The following FREM2 variants were observed in gnomAD, a reference collection of about 807,000 sequenced individuals.
The protein encoded by FREM2 is FRAS1 related extracellular matrix 2, also known as FRAS1-related extracellular matrix protein 2.
FREM2 carries 119 observed loss-of-function variants against 219.9 expected under a neutral mutation model. The ratio of observed to expected loss-of-function variants is 0.54; its 90% CI spans 0.47 to 0.63. FREM2 has a LOEUF of 0.63. Among genes scored for constraint, FREM2 ranks in the 30% least tolerant of loss-of-function variants. The pLI, the probability that FREM2 is intolerant of heterozygous loss-of-function variation, is 0.00. For synonymous variants in FREM2, 1,562 were observed against 1,522.8 expected, an observed-to-expected ratio of 1.03 and a Z score of -0.60; for missense variants, 4,030 against 3,993.6, an observed-to-expected ratio of 1.01 and a Z score of -0.25.
chr13:38,800,791 A>T (rs992620077), intron 6 of FREM2, among the ~76,000 whole-genome samples: 5 of 152,100 alleles, frequency 3.3e-5, no homozygotes, highest in African/African-American at 4.8e-5. Context: ...CACCATGCCC[A>T]GCTAATTTTT....
chr13:38,869,143 G>A (rs528640561), intron 16 of FREM2, among the ~76,000 whole-genome samples: 1 of 152,344 alleles, frequency 6.6e-6, no homozygotes, highest in Admixed American at 6.5e-5. Flanking sequence ...CAACATGATA[G>A]AGAATTGATT....
Position 38,857,896 on chromosome 13 carries a change from A to G in FREM2, c.7078A>G (p.Ile2360Val). 6.2e-7 allele frequency: 1 copy of G among 1,613,884 alleles called. No individual in the cohort carries two copies. Among genetic ancestry groups the G allele is most frequent in the Non-Finnish European group, 8.5e-7 (1 of 1,179,746 alleles). ...CTAGTTGACGAAAGCCATTGTGTAC[A>G]TAGAAGAAATGAGCAGCATGGCAGA... ...EMQLTKAIVYIEEMSSMADVT... is the reference protein window; with the variant it reads ...EMQLTKAIVYVEEMSSMADVT... Residue 2360 changes from isoleucine (I) to valine (V), a missense_variant, in exon 13 of 24, where the codon ATA (isoleucine) becomes GTA (valine). Physicochemically the swap from Ile to Val is conservative, Grantham distance 29. Around this residue, in one of 2 missense-constraint regions of FREM2, gnomAD observed 928 missense variants for 1,042.9 expected, o/e 0.89. Coordinates refer to ENST00000280481, the MANE Select transcript of FREM2 (RefSeq NM_207361.6).
intron 2 of FREM2, among the ~76,000 whole-genome samples, chr13:38,728,532 A>G (rs897739468): frequency 1.3e-5 from 2 of 151,888 alleles, no homozygotes; most frequent in Admixed American, 1.3e-4. Flanking sequence ...CAGCCACCAG[A>G]GTAGCTGGGA....
intron 2 of FREM2, among the ~76,000 whole-genome samples, chr13:38,738,865 T>A (rs1338996417): frequency 1.3e-5 from 2 of 152,166 alleles, no homozygotes; most frequent in Non-Finnish European, 2.9e-5. Flanking sequence ...ACCAAAAGTG[T>A]AGTGTCACAC....
At chr13:38,777,126 C>A (rs1325373335) in intron 4 of FREM2, among the ~76,000 whole-genome samples, 1 of 151,676 alleles carries the variant, frequency 6.6e-6, no homozygotes. Context: ...GCATATTGTA[C>A]ATATATTATA....
At position 38,803,560 on chromosome 13, in the gene FREM2, G is replaced by A. The variant is rs374253365; in HGVS notation, c.6019+18752G>A. Among the ~76,000 whole-genome samples the A allele has an allele frequency of 1.4e-3, 206 of 151,836 alleles. 1 individual carries two copies. In the South Asian group the frequency reaches 0.014, roughly 10 times the overall value. On this transcript the variant is annotated intron_variant, in intron 6 of 23. Transcript: ENST00000280481. ...CTTCAGTAATTTTACAATTTAATAC[G>A]CAGTATTGTTTCACTAGGGTCAGTA...
At chr13:38,873,048 A>C in intron 17 of FREM2, 114 bp downstream of exon 17, 4 of 815,212 alleles carry the variant, frequency 4.9e-6, no homozygotes, top group Non-Finnish European at 8.1e-6. Context: ...GTATATTTTC[A>C]TTTTCTATCT....
At chr13:38,800,632 G>C (rs1391954338) in intron 6 of FREM2, among the ~76,000 whole-genome samples, 3 of 152,040 alleles carry the variant, frequency 2.0e-5, no homozygotes, top group African/African-American at 4.8e-5. Flanking sequence ...CTGTTATTCT[G>C]TTAAGTAGGG....
chr13:38,754,885 TG>T (rs1872921327), intron 2 of FREM2, among the ~76,000 whole-genome samples: 3 of 100,438 alleles, frequency 3.0e-5, no homozygotes, highest in Admixed American at 1.2e-4. Flanking sequence ...ATGATGATGA[TG>T]ATGATGATGA....
chr13:38,885,940 G>T lies in FREM2; in HGVS notation c.*5153G>T, dbSNP rs1878709772. 1 of 152,154 alleles carries T rather than the reference G, an allele frequency of 6.6e-6. No individual in the cohort carries two copies. The highest frequency in any genetic ancestry group is 1.5e-5 in the Non-Finnish European group (1 of 68,028). The allele number at this position is 152,154 out of a possible 1,614,324, so 9.4% of individuals were successfully genotyped here. A position where few individuals can be genotyped will look rare whatever the true frequency, so the allele number is the denominator to read the frequency against. On this transcript the variant is annotated 3_prime_UTR_variant, in exon 24 of 24. Transcript: ENST00000280481. ...GAAATAAAGTGTTAAAATGTTAACA[G>T]CGTTGAAGTTTTTAAAATTATAATT...
chr13:38,874,875 G>T (rs906711714), intron 18 of FREM2, among the ~76,000 whole-genome samples: 1 of 152,136 alleles, frequency 6.6e-6, no homozygotes, highest in African/African-American at 2.4e-5. Flanking sequence ...AAGAGCATAG[G>T]AATAATCATT....
Position 38,689,979 on chromosome 13 carries a change from G to A in FREM2, c.2635G>A (p.Val879Met). 6.2e-7 allele frequency: 1 copy of A among 1,614,144 alleles called. No individual in the cohort carries two copies. Among genetic ancestry groups the A allele is most frequent in the Non-Finnish European group, 8.5e-7 (1 of 1,180,034 alleles). The stretch of plus-strand genomic sequence containing the variant: ...GGCACCCAAACATGGCCACATGAGA[G>A]TGTCTGGACAGATCCTGCATGTAGG... ...TQAPKHGHMR[V>M]SGQILHVGGL... is the part of the protein sequence containing the mutation. Residue 879 changes from valine to methionine, a missense_variant, in exon 1 of 24, where the codon GTG becomes ATG. Physicochemically the swap from Val to Met is conservative, Grantham distance 21. Coordinates refer to ENST00000280481, the MANE Select transcript of FREM2 (RefSeq NM_207361.6).
intron 6 of FREM2, among the ~76,000 whole-genome samples, chr13:38,835,852 A>G (rs1325149606): frequency 1.3e-5 from 2 of 152,216 alleles, no homozygotes; most frequent in Admixed American, 6.5e-5. Context: ...GGCTGAGACG[A>G]TGGAGTTTTC....
chr13:38,806,008 T>G (rs1489719583), intron 6 of FREM2, among the ~76,000 whole-genome samples: 1 of 151,892 alleles, frequency 6.6e-6, no homozygotes, highest in Non-Finnish European at 1.5e-5. Context: ...ACATCTTTTT[T>G]TTTTTTTGTA....
chr13:38,855,752 G>A (rs1877531242), intron 11 of FREM2, among the ~76,000 whole-genome samples: 1 of 151,980 alleles, frequency 6.6e-6, no homozygotes, highest in Non-Finnish European at 1.5e-5. Context: ...GGAGGTGAGG[G>A]GTGTAAGACT....
Position 38,838,990 on chromosome 13 carries a change from T to G in FREM2, c.6020-7583T>G, listed in dbSNP as rs565247876. On this transcript the variant is annotated intron_variant, in intron 6 of 23. Coordinates refer to ENST00000280481, the MANE Select transcript of FREM2 (RefSeq NM_207361.6). ...CGTCAAACTCATTCTACACCCAGTT[T>G]TGTTCCCTTGCTGGCGAGGAGTTGT... Among the ~76,000 whole-genome samples the G allele has an allele frequency of 3.9e-5, 6 of 152,294 alleles. No homozygotes were observed. The East Asian group carries it at 1.2e-3, about 29-fold the overall frequency.
Position 38,846,745 on chromosome 13 carries a change from C to G in FREM2, c.6169+23C>G, listed in dbSNP as rs752190454. 3 of 1,613,090 alleles carry G rather than the reference C, an allele frequency of 1.9e-6. No individual in the cohort carries two copies. In the East Asian group the frequency reaches 6.7e-5, roughly 36 times the overall value. Reference sequence around the variant, plus strand: ...ATGGTGAGCAGTTTCCCACTCGGCTCTTTTGATTGTTCTGCAATTTTCAAT... The same window carrying G: ...ATGGTGAGCAGTTTCCCACTCGGCTGTTTTGATTGTTCTGCAATTTTCAAT... On this transcript the variant is annotated intron_variant, in intron 7 of 23. Coordinates refer to ENST00000280481, the MANE Select transcript of FREM2 (RefSeq NM_207361.6).
intron 6 of FREM2, among the ~76,000 whole-genome samples, chr13:38,830,823 C>G (rs1777449182): frequency 6.6e-6 from 1 of 152,198 alleles, no homozygotes; most frequent in African/African-American, 2.4e-5. Flanking sequence ...TCTCGGGAAC[C>G]TCTGCACTAC....
chr13:38,824,279 C>T (rs7983965), intron 6 of FREM2, among the ~76,000 whole-genome samples: 9,917 of 152,010 alleles, frequency 0.065, 1,000 homozygotes, highest in African/African-American at 0.21. Context: ...GCATGATATG[C>T]TTATGAAGCC....
Sources: allele counts gnomAD v4.1 joint callset (sites outside exome capture counted in the v4.1 genomes callset), GRCh38; gene constraint gnomAD v4.1.1; regional missense constraint gnomAD v4.1.1; transcripts MANE v1.5; gene names NCBI Gene and HGNC (gene_info 2026-07-23, HGNC 2026-07-21).